TAF1: variants seen among roughly 807,000 people sequenced by gnomAD.
The protein encoded by TAF1 is TATA-box binding protein associated factor 1, also known as transcription initiation factor TFIID subunit 1.
Under a neutral mutation model 138.5 loss-of-function variants are expected in TAF1, and 2 were observed. The observed-to-expected ratio is 0.01, with a 90% CI of 0.01 to 0.05. The LOEUF is 0.05. Ranked by LOEUF, TAF1 falls within the 10% of genes least tolerant of loss-of-function variation. TAF1 has a pLI of 1.00. For missense variants in TAF1, 709 were observed against 1,478.0 expected, an observed-to-expected ratio of 0.48 and a Z score of 8.53; for synonymous variants, 437 against 503.2, an observed-to-expected ratio of 0.87 and a Z score of 1.76.
At chrX:71,384,702 C>T (rs931458313) in intron 13 of TAF1, among the ~76,000 whole-genome samples, 1 of 111,650 alleles carries the variant, frequency 9.0e-6, no homozygotes, top group Non-Finnish European at 1.9e-5. Flanking sequence ...CCACCATGCC[C>T]GGCCAATCCT....
chrX:71,501,554 G>A (rs2039508231), intron 13 of TAF1, among the ~76,000 whole-genome samples: 3 of 111,479 alleles, frequency 2.7e-5, no homozygotes, highest in African/African-American at 9.8e-5. Context: ...TTGCTTGGGC[G>A]ACATGACTTT....
intron 28 of TAF1, among the ~76,000 whole-genome samples, chrX:71,420,880 C>T (rs1171625583): frequency 8.9e-6 from 1 of 112,560 alleles, no homozygotes; most frequent in Non-Finnish European, 1.9e-5. Context: ...CTACGCCCCC[C>T]GGGGCCCCCT....
At chrX:71,387,956 C>T (rs1222451192) in intron 15 of TAF1, among the ~76,000 whole-genome samples, 1 of 109,999 alleles carries the variant, frequency 9.1e-6, no homozygotes, top group African/African-American at 3.3e-5. Context: ...AAAATTTAGC[C>T]AGGCATGGTG....
At chrX:71,417,111 T>G (rs911812410) in intron 28 of TAF1, among the ~76,000 whole-genome samples, 25 of 110,284 alleles carry the variant, frequency 2.3e-4, no homozygotes, top group Non-Finnish European at 3.2e-4. Flanking sequence ...GACTGGATCT[T>G]GAGGACCCTG....
chrX:71,379,913 A>G (rs1394418379), intron 8 of TAF1, among the ~76,000 whole-genome samples: 2 of 111,249 alleles, frequency 1.8e-5, no homozygotes, highest in Admixed American at 9.6e-5. Context: ...GAAGTTAAAG[A>G]TCTTTCTGAA....
intron 5 of TAF1, 143 bp from the exon 6 acceptor site, chrX:71,377,460 A>G (rs1310362888): frequency 1.2e-6 from 1 of 827,512 alleles, no homozygotes; most frequent in Non-Finnish European, 1.7e-6. Context: ...TTACTTTCTT[A>G]GACGTTACAA....
chrX:71,393,634 G>C (rs1236892897), intron 21 of TAF1, among the ~76,000 whole-genome samples, 158 bp downstream of exon 21: 2 of 111,076 alleles, frequency 1.8e-5, no homozygotes, highest in Non-Finnish European at 3.8e-5. Flanking sequence ...CCCACCACCA[G>C]ATTACCTATT....
At chrX:71,396,494 G>A (rs1254387885) in intron 22 of TAF1, among the ~76,000 whole-genome samples, 1 of 108,407 alleles carries the variant, frequency 9.2e-6, no homozygotes, top group African/African-American at 3.4e-5. Context: ...TGTCTTCTCT[G>A]TTGACCAGGC....
At position 71,423,109 on chromosome X, in the gene TAF1, A is replaced by G; in HGVS notation, c.4453-8A>G. ...CCTCTGTCTTGGCTTTGCTTTGTTT[A>G]ATTTCAGAAAGAAGACAAATTAGCT... is the stretch of plus-strand genomic sequence containing the variant. On this transcript the variant is annotated splice_region_variant and splice_polypyrimidine_tract_variant and intron_variant, in intron 29 of 37. Coordinates refer to ENST00000423759, the MANE Select transcript of TAF1 (RefSeq NM_004606.5). 1 of 1,211,334 alleles carries G rather than the reference A, an allele frequency of 8.3e-7. No individual in the cohort carries two copies. Among genetic ancestry groups the G allele is most frequent in the East Asian group, 3.0e-5 (1 of 33,840 alleles).
chrX:71,434,309 C>T (rs1206482325), intron 32 of TAF1, among the ~76,000 whole-genome samples: 1 of 112,368 alleles, frequency 8.9e-6, no homozygotes, highest in African/African-American at 3.2e-5. Flanking sequence ...TTATTCTCTA[C>T]TTTAAAATTT....
downstream of TAF1, among the ~76,000 whole-genome samples, chrX:71,470,168 A>G (rs919283072): frequency 9.0e-6 from 1 of 111,592 alleles, no homozygotes; most frequent in African/African-American, 3.3e-5. Context: ...TTACAGGTTT[A>G]TATCACTTCT....
At chrX:71,528,148 C>T (rs1423563152) in intron 13 of TAF1, 5 of 201,440 alleles carry the variant, frequency 2.5e-5, no homozygotes, top group Admixed American at 6.9e-5. Context: ...ACCATGGGAG[C>T]AAAAGCTTGA....
At chrX:71,379,132 T>A in intron 8 of TAF1, 101 bp downstream of exon 8, 4 of 797,522 alleles carry the variant, frequency 5.0e-6, no homozygotes, top group South Asian at 2.7e-5. Flanking sequence ...TTTTTTTCGG[T>A]GAGACAGAGT....
chrX:71,416,399 A>G (rs2036015008), intron 28 of TAF1, among the ~76,000 whole-genome samples: 1 of 95,634 alleles, frequency 1.0e-5, no homozygotes, highest in Non-Finnish European at 1.9e-5. Context: ...AAGAAAAAAA[A>G]AGAAGAAGAA....
chrX:71,471,148 T>C lies in TAF1; in HGVS notation c.1366+10345T>C, dbSNP rs754483264. Among the ~76,000 whole-genome samples the C allele has an allele frequency of 1.2e-3, 133 of 107,382 alleles. 1 individual carries two copies. Among genetic ancestry groups the C allele is most frequent in the Non-Finnish European group, 2.2e-3 (117 of 52,074 alleles). 93.2% of individuals were successfully genotyped at this position (107,382 alleles called of 115,157 possible). On this transcript the variant is annotated intron_variant and NMD_transcript_variant, in intron 13 of 14. Transcript: ENST00000373775. The stretch of plus-strand genomic sequence containing the variant: ...CTGGCCAACATGGTGAAACCCCGTC[T>C]CTACTAAAAATACAAAAAAATTAGC...
chrX:71,417,046 A>G (rs1207909384), intron 28 of TAF1, among the ~76,000 whole-genome samples: 3 of 109,392 alleles, frequency 2.7e-5, no homozygotes, highest in Non-Finnish European at 5.7e-5. Flanking sequence ...AAAATTTCAT[A>G]TTGAAACTTA....
chrX:71,442,876 A>G (rs2037499529), intron 32 of TAF1, among the ~76,000 whole-genome samples: 3 of 112,258 alleles, frequency 2.7e-5, no homozygotes, highest in South Asian at 3.7e-4. Context: ...AGCTTTCTAC[A>G]TACGGCTAGA....
intron 13 of TAF1, among the ~76,000 whole-genome samples, chrX:71,471,737 G>A (rs978850659): frequency 1.1e-4 from 12 of 111,560 alleles, no homozygotes; most frequent in African/African-American, 3.6e-4. Context: ...CTGAGCAGCC[G>A]CTCAAGGGCC....
At chrX:71,431,623 G>C (rs992263532) in intron 32 of TAF1, among the ~76,000 whole-genome samples, 1 of 110,902 alleles carries the variant, frequency 9.0e-6, no homozygotes, top group Non-Finnish European at 1.9e-5. Context: ...CAATATTTAA[G>C]ATAACAGGTG....
Sources: allele counts gnomAD v4.1 joint callset (sites outside exome capture counted in the v4.1 genomes callset), GRCh38; gene constraint gnomAD v4.1.1; transcripts MANE v1.5; gene names NCBI Gene and HGNC (gene_info 2026-07-23, HGNC 2026-07-21).